WDR49: variants seen among roughly 807,000 people sequenced by gnomAD.
The protein encoded by WDR49 is cilia- and flagella-associated protein 337.
Under a neutral mutation model 119.5 loss-of-function variants are expected in WDR49, and 107 were observed. That is an observed-to-expected ratio of 0.90 (90% CI 0.77 to 1.05). The LOEUF (loss-of-function observed/expected upper bound fraction) is 1.05, where lower values mean the gene tolerates loss of function less well. Among genes scored for constraint, WDR49 ranks in the 50% least tolerant of loss-of-function variants. The pLI, the probability that WDR49 is intolerant of heterozygous loss-of-function variation, is 0.00. For missense variants in WDR49, 1,240 were observed against 1,220.5 expected (o/e 1.02, Z -0.24); for synonymous variants, 425 against 418.8 (o/e 1.01, Z -0.18).
intron 2 of WDR49, among the ~76,000 whole-genome samples, chr3:167,642,006 T>C (rs552844879): frequency 1.3e-5 from 2 of 151,764 alleles, no homozygotes; most frequent in Admixed American, 6.6e-5. Context: ...CAGAAGTTAA[T>C]GAAAATTGTT....
intron 10 of WDR49, 112 bp from the exon 11 acceptor site, chr3:167,537,112 C>G: frequency 9.4e-7 from 1 of 1,063,786 alleles, no homozygotes. Flanking sequence ...CTATGCTGCC[C>G]AAAATTTATC....
chr3:167,575,175 T>C (rs1714167572), intron 8 of WDR49: 1 of 985,360 alleles, frequency 1.0e-6, no homozygotes, highest in Non-Finnish European at 1.2e-6. Context: ...CCTGACGGGA[T>C]CACTGCAGCA....
intron 8 of WDR49, among the ~76,000 whole-genome samples, chr3:167,562,273 G>A (rs2108271924): frequency 6.6e-6 from 1 of 152,236 alleles, no homozygotes; most frequent in East Asian, 1.9e-4. Context: ...GGGGTTTTGG[G>A]AGGACCATTT....
At position 167,602,115 on chromosome 3, in the gene WDR49, A is replaced by C; in HGVS notation, c.1275+12T>G. On this transcript the variant is annotated intron_variant, in intron 7 of 18. Transcript: ENST00000682715. ...GCAAAACTAAATTAATTAAAAGCAC[A>C]ATGTTACTTACTTTATCCTTGGAGA... 1 of 1,568,086 alleles carries C rather than the reference A, an allele frequency of 6.4e-7. No homozygotes were observed. The highest frequency in any genetic ancestry group is 1.2e-5 in the South Asian group (1 of 85,918).
At position 167,627,152 on chromosome 3, in the gene WDR49, A is replaced by G. The variant is rs920101032; in HGVS notation, c.306T>C (p.Asn102=). 7.9e-7 allele frequency: 1 copy of G among 1,262,410 alleles called. No homozygotes were observed. Among genetic ancestry groups the G allele is most frequent in the East Asian group, 3.0e-5 (1 of 32,798 alleles). The allele number at this position is 1,262,410 out of a possible 1,614,324, so 78.2% of individuals were successfully genotyped here. The part of the protein sequence containing the change: ...KVDVAQDGFI[N]WDKLTSFILL... Reference sequence around the variant, plus strand: ...GTATAAATGAAGTCAGCTTGTCCCAATTAATGAAGCCATCTTGGGCCACAT... The same window carrying G: ...GTATAAATGAAGTCAGCTTGTCCCAGTTAATGAAGCCATCTTGGGCCACAT... Residue 102 remains asparagine, a synonymous_variant, in exon 3 of 19, where the codon AAT becomes AAC. Coordinates refer to ENST00000682715, the MANE Select transcript of WDR49 (RefSeq NM_001366157.1).
chr3:167,602,181 T>C lies in WDR49; in HGVS notation c.1221A>G (p.Ile407Met). Residue 407 changes from isoleucine (I) to methionine (M), a missense_variant, in exon 7 of 19, where the codon ATA (isoleucine) becomes ATG (methionine). Ile to Met is a conservative substitution (Grantham distance 10). Transcript: ENST00000682715. ...GVLWGHSASV[I>M]AVQFFVERKQ... ...TTCTTTCCACAAAGAATTGGACGGC[T>C]ATTACACTGGCTGAGTGGCCCCAAA... 6.2e-7 allele frequency: 1 copy of C among 1,607,664 alleles called. No homozygotes were observed.
chr3:167,508,809 C>A (rs528755860), intron 16 of WDR49, among the ~76,000 whole-genome samples: 1 of 152,030 alleles, frequency 6.6e-6, no homozygotes, highest in African/African-American at 2.4e-5. Flanking sequence ...ACTGCCAATT[C>A]GTCAAGTATT....
intron 7 of WDR49, among the ~76,000 whole-genome samples, chr3:167,589,661 AAG>A (rs1715006324): frequency 6.6e-6 from 1 of 152,040 alleles, no homozygotes; most frequent in Non-Finnish European, 1.5e-5. Context: ...TCTTTTGGTT[AAG>A]TTTATTCCTA....
intron 3 of WDR49, among the ~76,000 whole-genome samples, chr3:167,622,394 G>C (rs1560318601): frequency 6.6e-6 from 1 of 151,902 alleles, no homozygotes; most frequent in East Asian, 1.9e-4. Context: ...AAGAAAGAAA[G>C]AAACAAATGA....
chr3:167,540,773 C>T (rs1395636081), intron 10 of WDR49, among the ~76,000 whole-genome samples: 2 of 151,714 alleles, frequency 1.3e-5, no homozygotes, highest in Admixed American at 1.3e-4. Flanking sequence ...CCAGAGAAAA[C>T]TGAAAAGCAA....
intron 2 of WDR49, among the ~76,000 whole-genome samples, chr3:167,648,949 C>G (rs1259347573): frequency 6.6e-6 from 1 of 152,084 alleles, no homozygotes; most frequent in East Asian, 1.9e-4. Context: ...TTTTCTAATT[C>G]TCAGCATTGT....
chr3:167,530,211 T>C (rs1458290826), intron 13 of WDR49, among the ~76,000 whole-genome samples: 1 of 152,092 alleles, frequency 6.6e-6, no homozygotes, highest in East Asian at 1.9e-4. Flanking sequence ...ATATGAAAAT[T>C]ATACAGATTT....
chr3:167,616,423 G>T (rs1027853565), intron 5 of WDR49, among the ~76,000 whole-genome samples: 1 of 152,076 alleles, frequency 6.6e-6, no homozygotes, highest in African/African-American at 2.4e-5. Context: ...CCTGAGAGAA[G>T]AGAAACAAAT....
intron 7 of WDR49, among the ~76,000 whole-genome samples, chr3:167,601,263 A>G (rs777992471): frequency 1.3e-5 from 2 of 152,218 alleles, no homozygotes; most frequent in Non-Finnish European, 2.9e-5. Context: ...TAAGTTTGGT[A>G]GAATTTATGG....
intron 15 of WDR49, among the ~76,000 whole-genome samples, chr3:167,522,987 A>C (rs1344340068): frequency 1.3e-5 from 2 of 152,184 alleles, no homozygotes; most frequent in African/African-American, 4.8e-5. Flanking sequence ...AAATGCATTC[A>C]TCTAGCAAAA....
chr3:167,508,524 T>C (rs961732580), intron 16 of WDR49, among the ~76,000 whole-genome samples: 14 of 152,168 alleles, frequency 9.2e-5, no homozygotes, highest in Non-Finnish European at 7.3e-5. Context: ...CAGGGCTCAG[T>C]TGGTATTGGC....
intron 2 of WDR49, among the ~76,000 whole-genome samples, chr3:167,637,247 G>C (rs1479431437): frequency 2.6e-5 from 4 of 151,668 alleles, no homozygotes; most frequent in African/African-American, 9.7e-5. Flanking sequence ...TGTTGAATAG[G>C]GTGTTCTTTC....
intron 18 of WDR49, among the ~76,000 whole-genome samples, chr3:167,482,601 C>G (rs1333837932): frequency 1.3e-5 from 2 of 151,072 alleles, no homozygotes; most frequent in Non-Finnish European, 2.9e-5. Flanking sequence ...ATGGCGTGAA[C>G]CCGGGAGGCA....
At chr3:167,492,627 A>G (rs1022370264) in intron 18 of WDR49, among the ~76,000 whole-genome samples, 1 of 152,168 alleles carries the variant, frequency 6.6e-6, no homozygotes, top group Non-Finnish European at 1.5e-5. Flanking sequence ...TCACAGAAAC[A>G]TTATGATGAT....
Sources: gnomAD v4.1 joint callset for allele counts (sites outside exome capture counted in the v4.1 genomes callset) on GRCh38, gnomAD v4.1.1 for gene constraint, MANE v1.5 for transcripts, NCBI Gene and HGNC (gene_info 2026-07-23, HGNC 2026-07-21) for gene names.